The following WWC2 variants were observed in gnomAD, a reference collection of about 807,000 sequenced individuals.
WWC2 encodes the protein WW and C2 domain containing 2.
Under a neutral mutation model 138.5 loss-of-function variants are expected in WWC2, and 101 were observed. That is an observed-to-expected ratio of 0.73 (90% CI 0.62 to 0.86). The LOEUF (loss-of-function observed/expected upper bound fraction) is 0.86, where lower values mean the gene tolerates loss of function less well. Ranked by LOEUF, WWC2 falls within the 40% of genes least tolerant of loss-of-function variation. The pLI is 0.00. For synonymous variants in WWC2, 558 were observed against 538.4 expected (o/e 1.04, Z -0.50); for missense variants, 1,420 against 1,419.4 (o/e 1.00, Z -0.01).
chr4:183,274,572 C>G (rs192831982), intron 16 of WWC2, among the ~76,000 whole-genome samples: 1 of 152,046 alleles, frequency 6.6e-6, no homozygotes, highest in African/African-American at 2.4e-5. Context: ...GATCAGTATG[C>G]GACTTCTTTT....
intron 1 of WWC2, among the ~76,000 whole-genome samples, chr4:183,106,592 G>A (rs902054440): frequency 7.9e-5 from 12 of 151,914 alleles, no homozygotes; most frequent in African/African-American, 2.4e-4. Context: ...TTCATCTCCC[G>A]TCTCTACAGC....
intron 4 of WWC2, among the ~76,000 whole-genome samples, chr4:183,217,330 A>G (rs1226360982): frequency 1.1e-4 from 17 of 152,154 alleles, no homozygotes; most frequent in Admixed American, 1.1e-3. Flanking sequence ...CTAAAAGTGT[A>G]TTGACAGTTA....
At chr4:183,128,237 G>A (rs938019658) in intron 1 of WWC2, among the ~76,000 whole-genome samples, 4 of 152,144 alleles carry the variant, frequency 2.6e-5, no homozygotes, top group Non-Finnish European at 4.4e-5. Flanking sequence ...TAGTCAGGAG[G>A]CTGAGGCAGA....
At chr4:183,269,233 T>C (rs1737619356) in intron 15 of WWC2, 70 bp downstream of exon 15, 1 of 1,473,560 alleles carries the variant, frequency 6.8e-7, no homozygotes, top group Admixed American at 2.2e-5. Context: ...TACTTTGTAG[T>C]TGCTATTTTG....
chr4:183,123,504 C>T (rs1732669159), intron 1 of WWC2, among the ~76,000 whole-genome samples: 1 of 151,492 alleles, frequency 6.6e-6, no homozygotes, highest in Admixed American at 6.6e-5. Context: ...CATAGGTGGT[C>T]AAGATTTTAA....
chr4:183,244,344 A>C (rs1200130678), intron 5 of WWC2, among the ~76,000 whole-genome samples: 9 of 152,154 alleles, frequency 5.9e-5, no homozygotes, highest in African/African-American at 1.9e-4. Flanking sequence ...GAACACAAAG[A>C]ATTAGGTTAC....
intron 4 of WWC2, among the ~76,000 whole-genome samples, chr4:183,231,145 T>C (rs79023321): frequency 6.6e-6 from 1 of 151,674 alleles, no homozygotes; most frequent in African/African-American, 2.4e-5. Flanking sequence ...TTTAAAATTA[T>C]ATATAATAGC....
At chr4:183,217,659 C>T (rs1337950915) in intron 4 of WWC2, among the ~76,000 whole-genome samples, 4 of 151,590 alleles carry the variant, frequency 2.6e-5, no homozygotes, top group Non-Finnish European at 2.9e-5. Context: ...ATGGGAGTAA[C>T]AGCTGATTAT....
chr4:183,108,451 C>G (rs1732114773), intron 1 of WWC2, among the ~76,000 whole-genome samples: 1 of 152,070 alleles, frequency 6.6e-6, no homozygotes. Flanking sequence ...CGTCAAGATC[C>G]TCACCAATAA....
intron 5 of WWC2, among the ~76,000 whole-genome samples, chr4:183,242,649 T>G (rs1736659890): frequency 6.6e-6 from 1 of 152,126 alleles, no homozygotes; most frequent in Non-Finnish European, 1.5e-5. Flanking sequence ...TCTGTGAAAA[T>G]TTGGTTCTCA....
At chr4:183,180,105 A>G (rs969969442) in intron 1 of WWC2, among the ~76,000 whole-genome samples, 1 of 152,206 alleles carries the variant, frequency 6.6e-6, no homozygotes, top group Non-Finnish European at 1.5e-5. Context: ...GTGTGAAACT[A>G]TAAAAGGGGC....
At chr4:183,264,105 G>A (rs2111364758) in intron 11 of WWC2, among the ~76,000 whole-genome samples, 1 of 152,258 alleles carries the variant, frequency 6.6e-6, no homozygotes, top group Non-Finnish European at 1.5e-5. Flanking sequence ...CGGAGAGAAG[G>A]CACTTCATCA....
chr4:183,288,280 C>T (rs561800776), intron 20 of WWC2, among the ~76,000 whole-genome samples: 2 of 152,324 alleles, frequency 1.3e-5, no homozygotes. Flanking sequence ...CCCCTCCCTT[C>T]CATCTGGCAT....
At chr4:183,162,569 T>A (rs905975078) in intron 1 of WWC2, among the ~76,000 whole-genome samples, 3 of 152,342 alleles carry the variant, frequency 2.0e-5, no homozygotes, top group Admixed American at 2.0e-4. Flanking sequence ...CTTTACTCTT[T>A]GGCACCTTGT....
intron 21 of WWC2, among the ~76,000 whole-genome samples, chr4:183,298,393 T>A (rs1738710914): frequency 6.6e-6 from 1 of 152,168 alleles, no homozygotes; most frequent in Non-Finnish European, 1.5e-5. Context: ...AGCCTGATGA[T>A]ACCCAGGGAA....
At chr4:183,282,353 A>G (rs1038785535) in intron 17 of WWC2, among the ~76,000 whole-genome samples, 3 of 152,262 alleles carry the variant, frequency 2.0e-5, no homozygotes, top group African/African-American at 2.4e-5. Flanking sequence ...ATTTTACAAT[A>G]AATGAACAAC....
At chr4:183,158,779 C>T in intron 1 of WWC2, among the ~76,000 whole-genome samples, 1 of 152,110 alleles carries the variant, frequency 6.6e-6, no homozygotes, top group Non-Finnish European at 1.5e-5. Context: ...ATAAACATTC[C>T]AGTAAACATG....
chr4:183,160,324 A>G (rs1249535116), intron 1 of WWC2, among the ~76,000 whole-genome samples: 1 of 152,236 alleles, frequency 6.6e-6, no homozygotes, highest in African/African-American at 2.4e-5. Context: ...AAGACGAATT[A>G]GCCAACAAAG....
chr4:183,129,755 T>C (rs752932948), intron 1 of WWC2, among the ~76,000 whole-genome samples: 11 of 152,258 alleles, frequency 7.2e-5, no homozygotes, highest in Non-Finnish European at 1.3e-4. Flanking sequence ...CATGTACTTA[T>C]TACATTTAGT....
Sources: gnomAD v4.1 joint callset for allele counts (sites outside exome capture counted in the v4.1 genomes callset) on GRCh38, gnomAD v4.1.1 for gene constraint, MANE v1.5 for transcripts, NCBI Gene and HGNC (gene_info 2026-07-23, HGNC 2026-07-21) for gene names.